FREM3: variants seen among roughly 807,000 people sequenced by gnomAD.
FREM3 encodes FRAS1 related extracellular matrix 3.
In FREM3, 105 loss-of-function variants were observed where a neutral mutation model predicts 129.1. That is an observed-to-expected ratio of 0.81 (90% CI 0.69 to 0.96). The LOEUF is 0.96. Among genes scored for constraint, FREM3 ranks in the 40% least tolerant of loss-of-function variants. FREM3 has a pLI of 0.00. For synonymous variants in FREM3, 1,014 were observed against 1,044.9 expected, an observed-to-expected ratio of 0.97 and a Z score of 0.57; for missense variants, 2,593 against 2,666.3, an observed-to-expected ratio of 0.97 and a Z score of 0.61.
chr4:143,611,575 C>T lies in FREM3; in HGVS notation c.5780-48G>A, dbSNP rs201292773. The T allele has an allele frequency of 1.6e-4, 243 of 1,504,222 alleles. 1 individual carries two copies. In the Middle Eastern group the frequency reaches 7.5e-3, roughly 47 times the overall value. The allele number at this position is 1,504,222 out of a possible 1,614,324, so 93.2% of individuals were successfully genotyped here. A position where few individuals can be genotyped will look rare whatever the true frequency, so the allele number is the denominator to read the frequency against. ...AGGGAGGTTAAGAAGAAATGGAATT[C>T]CAAACAAGAAGCCTGTCTGTTTTCT... On this transcript the variant is annotated intron_variant, in intron 5 of 7. Transcript: ENST00000329798.
At chr4:143,603,691 C>T (rs1426154547) in intron 6 of FREM3, among the ~76,000 whole-genome samples, 1 of 152,092 alleles carries the variant, frequency 6.6e-6, no homozygotes, top group Non-Finnish European at 1.5e-5. Context: ...TTTAAATTAT[C>T]CAGCCCAGAG....
At chr4:143,610,738 G>A (rs1738741238) in intron 6 of FREM3, among the ~76,000 whole-genome samples, 1 of 152,206 alleles carries the variant, frequency 6.6e-6, no homozygotes, top group Admixed American at 6.5e-5. Flanking sequence ...TCGTGTCTGG[G>A]AGGGGAGTTG....
chr4:143,603,721 C>A (rs1378322697), intron 6 of FREM3, among the ~76,000 whole-genome samples: 1 of 152,140 alleles, frequency 6.6e-6, no homozygotes, highest in Non-Finnish European at 1.5e-5. Context: ...AAATGTAACA[C>A]CTGTCACATC....
chr4:143,669,199 G>A (rs565968875), intron 2 of FREM3, among the ~76,000 whole-genome samples: 16 of 152,290 alleles, frequency 1.1e-4, no homozygotes, highest in Admixed American at 2.6e-4. Flanking sequence ...TGAGAGGCCT[G>A]TGAACCAGAA....
At chr4:143,652,475 TAAAA>T (rs986586963) in intron 2 of FREM3, among the ~76,000 whole-genome samples, 1 of 151,786 alleles carries the variant, frequency 6.6e-6, no homozygotes, top group African/African-American at 2.4e-5. Context: ...TTTCCTTTCT[TAAAA>T]AAAGAGTAAT....
At chr4:143,632,994 C>T (rs1739165831) in intron 2 of FREM3, among the ~76,000 whole-genome samples, 1 of 152,158 alleles carries the variant, frequency 6.6e-6, no homozygotes. Flanking sequence ...ATAAGCTTGT[C>T]ACTTAGGCTT....
At chr4:143,621,969 C>G (rs1738958625) in intron 4 of FREM3, among the ~76,000 whole-genome samples, 2 of 152,016 alleles carry the variant, frequency 1.3e-5, no homozygotes, top group Admixed American at 1.3e-4. Context: ...AAGTGGAGAA[C>G]TGCAGTAACT....
At chr4:143,583,809 G>A (rs1738189569) in intron 7 of FREM3, among the ~76,000 whole-genome samples, 1 of 152,120 alleles carries the variant, frequency 6.6e-6, no homozygotes, top group Non-Finnish European at 1.5e-5. Context: ...TTTTAAAGGA[G>A]CACTAAATAT....
chr4:143,600,384 C>T (rs1032952896), intron 6 of FREM3, among the ~76,000 whole-genome samples: 1 of 151,980 alleles, frequency 6.6e-6, no homozygotes, highest in Non-Finnish European at 1.5e-5. Flanking sequence ...GTACACTGTT[C>T]GGGCGACAGG....
At chr4:143,647,668 T>C (rs1264123273) in intron 2 of FREM3, among the ~76,000 whole-genome samples, 1 of 152,174 alleles carries the variant, frequency 6.6e-6, no homozygotes, top group East Asian at 1.9e-4. Context: ...ACATATAGTG[T>C]TGGGCTTGTG....
chr4:143,577,820 G>C lies in FREM3; in HGVS notation c.6211C>G (p.Leu2071Val). 1 of 1,537,266 alleles carries C rather than the reference G, an allele frequency of 6.5e-7. No individual in the cohort carries two copies. Among genetic ancestry groups the C allele is most frequent in the Non-Finnish European group, 8.7e-7 (1 of 1,146,906 alleles). Reference protein sequence around the residue: ...GTDYVGISRNLDFAPGVRMQT... With the variant: ...GTDYVGISRNVDFAPGVRMQT... ...ATGCGCACGCCTGGAGCAAAGTCCA[G>C]GTTTCGGCTGATACCAACATAATCT... Residue 2071 changes from leucine to valine, a missense_variant, in exon 8 of 8, where the codon CTG (leucine) becomes GTG (valine). Leu to Val is a conservative substitution (Grantham distance 32). This residue lies in a region of FREM3 where 317 missense variants were observed against 399.0 expected (regional missense o/e 0.79). Coordinates refer to ENST00000329798, the MANE Select transcript of FREM3 (RefSeq NM_001168235.2).
chr4:143,700,453 G>C lies in FREM3; in HGVS notation c.223C>G (p.Arg75Gly). The C allele has an allele frequency of 6.6e-7, 1 of 1,515,322 alleles. No individual in the cohort carries two copies. Among genetic ancestry groups the C allele is most frequent in the Non-Finnish European group, 8.8e-7 (1 of 1,134,662 alleles). The allele number at this position is 1,515,322 out of a possible 1,614,324, so 93.9% of individuals were successfully genotyped here. A position where few individuals can be genotyped will look rare whatever the true frequency, so the allele number is the denominator to read the frequency against. Residue 75 changes from arginine (R) to glycine (G), a missense_variant, in exon 1 of 8, where the codon CGT becomes GGT. This residue lies in a region of FREM3 where 2,276 missense variants were observed against 2,267.2 expected (regional missense o/e 1.00). Transcript: ENST00000329798. ...ANPGLRVPLGRSLWLDPLRDL... is the reference protein window; with the variant it reads ...ANPGLRVPLGGSLWLDPLRDL... Reference sequence around the variant, plus strand: ...CGGAGCGGGTCGAGCCAAAGGGAACGACCCAGGGGCACCCGGAGTCCAGGG... The same window carrying C: ...CGGAGCGGGTCGAGCCAAAGGGAACCACCCAGGGGCACCCGGAGTCCAGGG...
rs1360637476 is a variant in FREM3, at chr4:143,698,023, C to T, written c.2653G>A (p.Val885Ile). Residue 885 changes from valine to isoleucine, a missense_variant, in exon 1 of 8, where the codon GTC (valine) becomes ATC (isoleucine). Physicochemically the swap from Val to Ile is conservative, Grantham distance 29. Coordinates refer to ENST00000329798, the MANE Select transcript of FREM3 (RefSeq NM_001168235.2). ...GHLQYFKRCM[V>I]PGESFMQADV... ...GCTTGCATGAAAGATTCCCCTGGGA[C>T]CATACATCTTTTAAAGTACTGCAAG... 3.3e-6 allele frequency: 5 copies of T among 1,537,232 alleles called. No homozygotes were observed. In the Admixed American group the frequency reaches 9.8e-5, roughly 30 times the overall value.
At chr4:143,673,893 T>C (rs376811061) in intron 2 of FREM3, among the ~76,000 whole-genome samples, 2 of 152,232 alleles carry the variant, frequency 1.3e-5, no homozygotes, top group Non-Finnish European at 2.9e-5. Context: ...CTCCGAGCCA[T>C]GCGCGGGATA....
intron 2 of FREM3, among the ~76,000 whole-genome samples, chr4:143,636,900 A>G (rs1274105670): frequency 6.6e-6 from 1 of 152,170 alleles, no homozygotes; most frequent in Non-Finnish European, 1.5e-5. Context: ...TTAAACTTGG[A>G]AAAAATTTTA....
chr4:143,617,711 A>G (rs111411553), intron 5 of FREM3, among the ~76,000 whole-genome samples: 1 of 152,062 alleles, frequency 6.6e-6, no homozygotes, highest in African/African-American at 2.4e-5. Flanking sequence ...TGAAGAGGAG[A>G]AAAAACAAGC....
In FREM3 at chr4:143,611,410, A is replaced by G; in HGVS notation, c.5897T>C (p.Val1966Ala). 1.3e-6 allele frequency: 2 copies of G among 1,537,206 alleles called. No homozygotes were observed. The highest frequency in any genetic ancestry group is 1.7e-6 in the Non-Finnish European group (2 of 1,146,848). The change falls in exon 6 of 8, where the codon GTC (valine) becomes GCC (alanine). Residue 1966 changes from valine to alanine, a missense_variant. Transcript: ENST00000329798. ...DKNETQKTCQ[V>A]LIIDDSLYEE... ...ATAAAGGGAGTCATCAATGATCAGG[A>G]CCTGGCAGGTCTTCTGTGTCTCATT...
At chr4:143,691,280 C>T (rs1740463578) in intron 2 of FREM3, among the ~76,000 whole-genome samples, 1 of 152,062 alleles carries the variant, frequency 6.6e-6, no homozygotes, top group Non-Finnish European at 1.5e-5. Flanking sequence ...TAACTTTTGT[C>T]CACGGCTTCA....
chr4:143,634,122 C>G (rs1174838411), intron 2 of FREM3, among the ~76,000 whole-genome samples: 1 of 152,042 alleles, frequency 6.6e-6, no homozygotes, highest in Non-Finnish European at 1.5e-5. Context: ...AGGAAGGTAG[C>G]TTGGGAGTTT....
Sources: gnomAD v4.1 joint callset for allele counts (sites outside exome capture counted in the v4.1 genomes callset) on GRCh38, gnomAD v4.1.1 for gene constraint, gnomAD v4.1.1 regional missense constraint, MANE v1.5 for transcripts, NCBI Gene and HGNC (gene_info 2026-07-23, HGNC 2026-07-21) for gene names.